Variants in BSN observed in about 807,000 individuals in gnomAD.
BSN encodes bassoon presynaptic cytomatrix protein.
In BSN, 57 loss-of-function variants were observed where a neutral mutation model predicts 264.8. The observed-to-expected ratio is 0.22, with a 90% CI of 0.17 to 0.27. The LOEUF is 0.27. BSN is among the 10% of genes least tolerant of loss of function. The pLI is 1.00. For missense variants in BSN, 4,615 were observed against 5,232.5 expected (o/e 0.88, Z 3.64); for synonymous variants, 2,059 against 2,137.3 (o/e 0.96, Z 1.01).
At chr3:49,666,139 C>T (rs369391152) in intron 11 of BSN, among the ~76,000 whole-genome samples, 34 of 152,364 alleles carry the variant, frequency 2.2e-4, no homozygotes, top group African/African-American at 7.9e-4. Flanking sequence ...CTCCTTGCCC[C>T]TTCAGGGTGC....
intron 1 of BSN, among the ~76,000 whole-genome samples, chr3:49,575,494 G>A (rs2051838220): frequency 6.9e-6 from 1 of 145,800 alleles, no homozygotes; most frequent in Non-Finnish European, 1.5e-5. Context: ...AAATATATAT[G>A]TGTGTGTATA....
intron 1 of BSN, among the ~76,000 whole-genome samples, chr3:49,606,234 T>A (rs868469898): frequency 2.0e-4 from 10 of 51,060 alleles, no homozygotes; most frequent in African/African-American, 3.7e-4. Context: ...ATACATATAT[T>A]ATATATGTAT....
At chr3:49,562,560 T>G (rs781656561) in intron 1 of BSN, among the ~76,000 whole-genome samples, 61 of 152,254 alleles carry the variant, frequency 4.0e-4, no homozygotes, top group Non-Finnish European at 3.7e-4. Flanking sequence ...TTGTATGGTA[T>G]TTTACAGCTT....
At position 49,655,092 on chromosome 3, in the gene BSN, C is replaced by G; in HGVS notation, c.5536C>G (p.Pro1846Ala). The G allele has an allele frequency of 6.2e-7, 1 of 1,612,860 alleles. No homozygotes were observed. Among genetic ancestry groups the G allele is most frequent in the African/African-American group, 1.3e-5 (1 of 75,060 alleles). Residue 1846 changes from proline (P) to alanine (A), a missense_variant, in exon 5 of 12, where the codon CCT (proline) becomes GCT (alanine). By Grantham distance (27) the Pro-to-Ala change is conservative. Around this residue, in one of 3 missense-constraint regions of BSN, gnomAD observed 3,415 missense variants for 3,866.4 expected, o/e 0.88. Transcript: ENST00000296452. Reference protein sequence around the residue: ...EPGAEPHRATPAELRSHALPG... With the variant: ...EPGAEPHRATAAELRSHALPG... The stretch of plus-strand genomic sequence containing the variant: ...AGGTGCCGAGCCCCACCGGGCCACC[C>G]CTGCAGAGCTGCGGTCACATGCTCT...
chr3:49,624,723 A>G (rs2052329495), intron 1 of BSN, among the ~76,000 whole-genome samples: 1 of 152,170 alleles, frequency 6.6e-6, no homozygotes, highest in African/African-American at 2.4e-5. Context: ...CTACTGAATC[A>G]GAGTCTGTAC....
chr3:49,630,711 G>C (rs1275491473), intron 2 of BSN, among the ~76,000 whole-genome samples: 4 of 152,130 alleles, frequency 2.6e-5, no homozygotes, highest in Non-Finnish European at 4.4e-5. Context: ...TAAAACACTT[G>C]TTTTCATATC....
chr3:49,599,760 G>A (rs1028696295), intron 1 of BSN, among the ~76,000 whole-genome samples: 5 of 152,092 alleles, frequency 3.3e-5, no homozygotes, highest in African/African-American at 7.2e-5. Context: ...TCTAGAAGTC[G>A]TTTCCTAAGT....
In BSN at chr3:49,578,097, A is replaced by G. The variant is rs935732573; in HGVS notation, c.224+23271A>G. On this transcript the variant is annotated intron_variant, in intron 1 of 11. Transcript: ENST00000296452. ...TTTTCTAATTTTGTGGATGCTTAATACATTAGCACACTAATACATGCTTAC... is the reference window on the plus strand; with the variant it reads ...TTTTCTAATTTTGTGGATGCTTAATGCATTAGCACACTAATACATGCTTAC... 5.9e-5 allele frequency among the ~76,000 whole-genome samples: 9 copies of G among 152,338 alleles called. 1 individual carries two copies. In the South Asian group the frequency reaches 1.4e-3, roughly 25 times the overall value.
At chr3:49,635,174 A>G (rs2052411436) in intron 2 of BSN, among the ~76,000 whole-genome samples, 1 of 152,222 alleles carries the variant, frequency 6.6e-6, no homozygotes. Flanking sequence ...TGAAACAGGC[A>G]GGTTGGGATG....
chr3:49,656,633 A>C lies in BSN; in HGVS notation c.7077A>C (p.Ala2359=). ...LSRPGFEKEE[A]SQEERQRKQQ... ...GGCCAGGGTTCGAGAAAGAGGAAGC[A>C]TCACAGGAGGAGAGGCAGCGGAAGC... Residue 2359 remains alanine, a synonymous_variant, in exon 5 of 12, where the codon GCA becomes GCC. Transcript: ENST00000296452. The C allele has an allele frequency of 6.2e-7, 1 of 1,609,598 alleles. No individual in the cohort carries two copies. Among genetic ancestry groups the C allele is most frequent in the South Asian group, 1.1e-5 (1 of 90,576 alleles).
chr3:49,584,078 G>C (rs867979303), intron 1 of BSN, among the ~76,000 whole-genome samples: 1 of 151,848 alleles, frequency 6.6e-6, no homozygotes, highest in Non-Finnish European at 1.5e-5. Context: ...GTAGAGACGG[G>C]GTTTCACCGT....
At chr3:49,580,096 T>G (rs531020068) in intron 1 of BSN, among the ~76,000 whole-genome samples, 1 of 152,288 alleles carries the variant, frequency 6.6e-6, no homozygotes, top group African/African-American at 2.4e-5. Flanking sequence ...AAATTTAATT[T>G]GATTATTTTA....
chr3:49,557,392 T>C (rs2051681451), intron 1 of BSN, among the ~76,000 whole-genome samples: 1 of 152,148 alleles, frequency 6.6e-6, no homozygotes, highest in Admixed American at 6.5e-5. Flanking sequence ...ATGCCTAATG[T>C]ACAGTGGAAC....
intron 1 of BSN, among the ~76,000 whole-genome samples, chr3:49,557,221 A>T (rs2051680052): frequency 6.6e-6 from 1 of 152,142 alleles, no homozygotes; most frequent in Admixed American, 6.5e-5. Flanking sequence ...GGCCATGTAC[A>T]ATTATATAAT....
chr3:49,654,026 A>G lies in BSN; in HGVS notation c.4470A>G (p.Thr1490=), dbSNP rs1434141569. The part of the protein sequence containing the change: ...LSPSSPSESP[T]FSPGKMGPRA... ...CGTCTTCCCCCTCAGAGAGTCCCAC[A>G]TTCTCCCCTGGCAAGATGGGCCCAA... The change falls in exon 5 of 12, where the codon ACA becomes ACG. Residue 1490 remains threonine, a synonymous_variant. Transcript: ENST00000296452. The surrounding 1 kb of genome is among the most constrained non-coding windows in gnomAD (Gnocchi z 4.1). 3 of 1,613,718 alleles carry G rather than the reference A, an allele frequency of 1.9e-6. No homozygotes were observed. Among genetic ancestry groups the G allele is most frequent in the Admixed American group, 3.3e-5 (2 of 60,006 alleles).
chr3:49,584,533 C>G (rs1344037712), intron 1 of BSN, among the ~76,000 whole-genome samples: 1 of 151,650 alleles, frequency 6.6e-6, no homozygotes, highest in African/African-American at 2.4e-5. Context: ...TTATAAGGTA[C>G]CTGAGATGTT....
chr3:49,629,838 T>C (rs1032755396), intron 2 of BSN, among the ~76,000 whole-genome samples: 2 of 152,196 alleles, frequency 1.3e-5, no homozygotes, highest in East Asian at 1.9e-4. Flanking sequence ...TAAGCCTCTC[T>C]AGGAAAACTA....
chr3:49,616,868 G>T (rs1031258178), intron 1 of BSN, among the ~76,000 whole-genome samples: 1 of 152,180 alleles, frequency 6.6e-6, no homozygotes, highest in Non-Finnish European at 1.5e-5. Flanking sequence ...TCAGGATTAT[G>T]TCTCCCAGCA....
chr3:49,605,282 T>C (rs1460908787), intron 1 of BSN, among the ~76,000 whole-genome samples: 1 of 107,128 alleles, frequency 9.3e-6, no homozygotes, highest in Non-Finnish European at 1.8e-5. Context: ...TACATATATA[T>C]ACATATATAT....
Sources: allele counts gnomAD v4.1 joint callset (sites outside exome capture counted in the v4.1 genomes callset), GRCh38; gene constraint gnomAD v4.1.1; regional missense constraint gnomAD v4.1.1; non-coding constraint Gnocchi (gnomAD v3.1); transcripts MANE v1.5; gene names NCBI Gene and HGNC (gene_info 2026-07-23, HGNC 2026-07-21).